SUSD3: variants seen among roughly 807,000 people sequenced by gnomAD.
SUSD3 encodes sushi domain-containing protein 3.
SUSD3 carries 18 observed loss-of-function variants against 20.6 expected under a neutral mutation model. That is an observed-to-expected ratio of 0.87 (90% CI 0.60 to 1.30). SUSD3 has a LOEUF of 1.30. Among genes scored for constraint, SUSD3 ranks in the 50% most tolerant of loss-of-function variants. The pLI is 0.00. For synonymous variants in SUSD3, 137 were observed against 141.5 expected (o/e 0.97, Z 0.23); for missense variants, 306 against 346.9 (o/e 0.88, Z 0.94).
At chr9:93,082,029 T>C (rs1826435455) in intron 4 of SUSD3, among the ~76,000 whole-genome samples, 1 of 152,236 alleles carries the variant, frequency 6.6e-6, no homozygotes, top group South Asian at 2.1e-4. Flanking sequence ...TACAAGTGAA[T>C]GTGGCCATAT....
Position 93,063,394 on chromosome 9 carries a change from G to A in SUSD3, c.88+4564G>A, listed in dbSNP as rs143595263. ...CGGGCAAGTCACCAGTTTTGCAGAC[G>A]GGGAAGTTGAGGCTGAGCCAGGTGA... On this transcript the variant is annotated intron_variant, in intron 1 of 4. Coordinates refer to ENST00000375472, the MANE Select transcript of SUSD3 (RefSeq NM_145006.4). Among the ~76,000 whole-genome samples the A allele has an allele frequency of 1.4e-4, 22 of 152,308 alleles. 2 individuals are homozygous for A. The East Asian group carries it at 4.0e-3, about 28-fold the overall frequency.
At chr9:93,060,684 A>T (rs1239857256) in intron 1 of SUSD3, among the ~76,000 whole-genome samples, 2 of 152,110 alleles carry the variant, frequency 1.3e-5, no homozygotes, top group African/African-American at 4.8e-5. Context: ...TGCAAAAAAA[A>T]AATTAGCTGA....
chr9:93,077,737 C>T (rs1342079502), intron 2 of SUSD3, 109 bp from the exon 3 acceptor site: 1 of 1,187,464 alleles, frequency 8.4e-7, no homozygotes, highest in African/African-American at 1.5e-5. Context: ...GCTGCCCAGG[C>T]CCTGTCTACA....
At chr9:93,075,733 C>CGGGGGGGGGGGGGGGGGGGGGGGGCGG in intron 1 of SUSD3, 51 bp from the exon 2 acceptor site, 1 of 392,364 alleles carries the variant, frequency 2.5e-6, no homozygotes, top group Non-Finnish European at 4.5e-6. Flanking sequence ...CCCTGCCCTG[C>CGGGGGGGGGGGGGGGGGGGGGGGGCGG]GTGCCCACCC....
At chr9:93,061,358 G>T (rs757720231) in intron 1 of SUSD3, among the ~76,000 whole-genome samples, 10 of 152,262 alleles carry the variant, frequency 6.6e-5, no homozygotes, top group Non-Finnish European at 1.5e-4. Flanking sequence ...GACACACCCT[G>T]TGATGCCTGG....
chr9:93,071,705 A>G (rs960596580), intron 1 of SUSD3, among the ~76,000 whole-genome samples: 1 of 152,230 alleles, frequency 6.6e-6, no homozygotes. Context: ...GAAGTGACAC[A>G]GCATCTATGC....
chr9:93,082,386 C>T (rs1166576136), intron 4 of SUSD3, among the ~76,000 whole-genome samples: 4 of 142,762 alleles, frequency 2.8e-5, no homozygotes, highest in Non-Finnish European at 4.5e-5. Flanking sequence ...GGCGCGATCT[C>T]GGCTCACTGC....
At chr9:93,078,061 G>A (rs1826243330) in intron 3 of SUSD3, 68 bp downstream of exon 3, 1 of 1,607,020 alleles carries the variant, frequency 6.2e-7, no homozygotes, top group Non-Finnish European at 8.5e-7. Context: ...AGGAGGAAAG[G>A]ACAGAGTGTT....
At position 93,065,404 on chromosome 9, in the gene SUSD3, T is replaced by A. The variant is rs1825667089; in HGVS notation, c.88+6574T>A. Among the ~76,000 whole-genome samples the A allele has an allele frequency of 2.0e-5, 3 of 152,230 alleles. No homozygotes were observed. The South Asian group carries it at 6.2e-4, about 31-fold the overall frequency. ...ACTGGGCAGACACTCAACCAGGCGC[T>A]GTTGTGGGTGCTGGACACACTCACC... On this transcript the variant is annotated intron_variant, in intron 1 of 4. Coordinates refer to ENST00000375472, the MANE Select transcript of SUSD3 (RefSeq NM_145006.4).
In SUSD3 at chr9:93,058,768, G is replaced by T; in HGVS notation, c.26G>T (p.Arg9Leu). The T allele has an allele frequency of 1.6e-6, 2 of 1,237,264 alleles. No homozygotes were observed. Among genetic ancestry groups the T allele is most frequent in the Non-Finnish European group, 2.0e-6 (2 of 990,426 alleles). 76.6% of individuals were successfully genotyped at this position (1,237,264 alleles called of 1,614,324 possible). A position where few individuals can be genotyped will look rare whatever the true frequency, so the allele number is the denominator to read the frequency against. MRWAAATL[R>L]GKARPRGRAG... The stretch of plus-strand genomic sequence containing the variant: ...ATGCGCTGGGCGGCCGCCACCCTCC[G>T]TGGCAAGGCGAGGCCCCGGGGGCGG... Residue 9 changes from arginine to leucine, a missense_variant, in exon 1 of 5, where the codon CGT becomes CTT. Arg to Leu is a moderately radical substitution (Grantham distance 102). Coordinates refer to ENST00000375472, the MANE Select transcript of SUSD3 (RefSeq NM_145006.4).
In SUSD3 at chr9:93,084,636, C is replaced by G; in HGVS notation, c.657C>G (p.Ser219Arg). The G allele has an allele frequency of 6.2e-7, 1 of 1,609,894 alleles. No individual in the cohort carries two copies. The change falls in exon 5 of 5, where the codon AGC (serine) becomes AGG (arginine). Residue 219 changes from serine (S) to arginine (R), a missense_variant. Coordinates refer to ENST00000375472, the MANE Select transcript of SUSD3 (RefSeq NM_145006.4). ...PRALSLSGSS[S>R]SPQAQVMVHM... ...CTCTAAGCCTCAGTGGCTCCTCCAGCTCACCCCAAGCCCAGGTGATGGTGC... is the reference window on the plus strand; with the variant it reads ...CTCTAAGCCTCAGTGGCTCCTCCAGGTCACCCCAAGCCCAGGTGATGGTGC...
intron 1 of SUSD3, among the ~76,000 whole-genome samples, chr9:93,070,041 A>C (rs914789077): frequency 2.0e-5 from 3 of 152,122 alleles, no homozygotes; most frequent in African/African-American, 7.2e-5. Flanking sequence ...GGCCTCCCAA[A>C]GTGCTGGGAT....
chr9:93,067,460 C>G (rs1351402270), intron 1 of SUSD3, among the ~76,000 whole-genome samples: 2 of 152,202 alleles, frequency 1.3e-5, no homozygotes, highest in Non-Finnish European at 2.9e-5. Context: ...ATTACTGGAT[C>G]ATGTGGTAAT....
At position 93,058,739 on chromosome 9, in the gene SUSD3, C is replaced by G. The variant is rs1406711980; in HGVS notation, c.-4C>G. 2.4e-6 allele frequency: 3 copies of G among 1,233,532 alleles called. No homozygotes were observed. In the Admixed American group the frequency reaches 1.3e-4, roughly 52 times the overall value. The allele number at this position is 1,233,532 out of a possible 1,614,324, so 76.4% of individuals were successfully genotyped here. A position where few individuals can be genotyped will look rare whatever the true frequency, so the allele number is the denominator to read the frequency against. ...ACCCCGCCAAGCGCCTCGGAGCGCG[C>G]AGGATGCGCTGGGCGGCCGCCACCC... On this transcript the variant is annotated 5_prime_UTR_variant, in exon 1 of 5. Transcript: ENST00000375472.
chr9:93,060,472 G>A (rs1030639732), intron 1 of SUSD3, among the ~76,000 whole-genome samples: 3 of 152,136 alleles, frequency 2.0e-5, no homozygotes, highest in African/African-American at 4.8e-5. Flanking sequence ...TCAGTTTCTT[G>A]CTCTGTGAAA....
intron 1 of SUSD3, among the ~76,000 whole-genome samples, chr9:93,064,739 G>T (rs1309102167): frequency 6.6e-6 from 1 of 152,192 alleles, no homozygotes; most frequent in Non-Finnish European, 1.5e-5. Context: ...CAGCTGTGGA[G>T]GTGGCCTTGC....
At chr9:93,060,233 A>G (rs939061389) in intron 1 of SUSD3, among the ~76,000 whole-genome samples, 3 of 152,054 alleles carry the variant, frequency 2.0e-5, no homozygotes, top group African/African-American at 7.2e-5. Flanking sequence ...CACCATGACC[A>G]CTTCCCAGGC....
At chr9:93,063,996 T>C (rs894141649) in intron 1 of SUSD3, among the ~76,000 whole-genome samples, 3 of 152,204 alleles carry the variant, frequency 2.0e-5, no homozygotes, top group African/African-American at 7.2e-5. Context: ...CCGGACTTCT[T>C]GTAGGTCAGT....
chr9:93,070,209 A>C (rs1371196836), intron 1 of SUSD3, among the ~76,000 whole-genome samples: 1 of 152,220 alleles, frequency 6.6e-6, no homozygotes, highest in Non-Finnish European at 1.5e-5. Flanking sequence ...AAATATAAGA[A>C]TCTTAGACAC....
Sources: allele counts gnomAD v4.1 joint callset (sites outside exome capture counted in the v4.1 genomes callset), GRCh38; gene constraint gnomAD v4.1.1; transcripts MANE v1.5; gene names NCBI Gene and HGNC (gene_info 2026-07-23, HGNC 2026-07-21).